Variants in ZFYVE26 observed in about 807,000 individuals in gnomAD.
ZFYVE26 encodes zinc finger FYVE domain-containing protein 26.
In ZFYVE26, 181 loss-of-function variants were observed where a neutral mutation model predicts 276.5. The observed-to-expected ratio is 0.65, with a 90% CI of 0.58 to 0.74. The LOEUF (loss-of-function observed/expected upper bound fraction) is 0.74. Ranked by LOEUF, ZFYVE26 falls within the 30% of genes least tolerant of loss-of-function variation. ZFYVE26 has a pLI of 0.00. For synonymous variants in ZFYVE26, 1,129 were observed against 1,203.1 expected (o/e 0.94, Z 1.27); for missense variants, 2,821 against 3,097.9 (o/e 0.91, Z 2.12).
At chr14:67,793,002 G>A (rs558255772) in intron 14 of ZFYVE26, among the ~76,000 whole-genome samples, 11 of 151,390 alleles carry the variant, frequency 7.3e-5, no homozygotes, top group African/African-American at 2.4e-4. Flanking sequence ...GCTCATGCCT[G>A]TAATCCCAGC....
intron 2 of ZFYVE26, 26 bp from the exon 3 acceptor site, chr14:67,814,090 G>T: frequency 6.4e-7 from 1 of 1,559,210 alleles, no homozygotes; most frequent in Non-Finnish European, 8.8e-7. Context: ...AGAAAGACTT[G>T]TAAAAAAGAG....
rs1293387180 is a variant in ZFYVE26, at chr14:67,798,194, T to G, written c.2068A>C (p.Arg690=). 1.2e-6 allele frequency: 2 copies of G among 1,614,070 alleles called. No homozygotes were observed. Among genetic ancestry groups the G allele is most frequent in the African/African-American group, 2.7e-5 (2 of 74,922 alleles). Residue 690 remains arginine, a synonymous_variant, in exon 11 of 42, where the codon AGG becomes CGG. Transcript: ENST00000347230. The part of the protein sequence containing the change: ...ADEFAIGAFL[R]LLQEQLDEIS... ...TCATCCAGTTGCTCTTGGAGAAGCCTGAGGAAGGCCCCTATTGCAAATTCA... is the reference window on the plus strand; with the variant it reads ...TCATCCAGTTGCTCTTGGAGAAGCCGGAGGAAGGCCCCTATTGCAAATTCA...
At chr14:67,737,422 GGAGA>G (rs1265382039) in intron 13 of ZFYVE26, among the ~76,000 whole-genome samples, 1 of 152,050 alleles carries the variant, frequency 6.6e-6, no homozygotes, top group Non-Finnish European at 1.5e-5. Context: ...TAAGGTGGCA[GGAGA>G]GAGAGAGAGT....
rs1367681919 is a variant in ZFYVE26 at position 67,775,844 on chromosome 14, G to GA, written c.5221+15_5221+16insT. On this transcript the variant is annotated intron_variant, in intron 26 of 41. Coordinates refer to ENST00000347230, the MANE Select transcript of ZFYVE26 (RefSeq NM_015346.4). ...TTCCTCCATGTAGAATCCCCTTCTA[G>GA]GATGCTAGCAGTTACCTGATCGTTT... 2 of 1,614,060 alleles carry GA rather than the reference G, an allele frequency of 1.2e-6. No homozygotes were observed. The highest frequency in any genetic ancestry group is 1.7e-6 in the Non-Finnish European group (2 of 1,180,006).
intron 35 of ZFYVE26, among the ~76,000 whole-genome samples, chr14:67,757,282 A>C (rs1193629342): frequency 6.6e-6 from 1 of 152,222 alleles, no homozygotes; most frequent in African/African-American, 2.4e-5. Context: ...CTCTGCTCAC[A>C]GTCTCCCAGG....
At chr14:67,815,687 TG>T in intron 2 of ZFYVE26, 82 bp downstream of exon 2, 4 of 1,347,662 alleles carry the variant, frequency 3.0e-6, no homozygotes, top group South Asian at 1.2e-5. Flanking sequence ...GGTAGTTGAG[TG>T]GGGGCACATT....
chr14:67,766,861 G>A (rs999346513), intron 31 of ZFYVE26, among the ~76,000 whole-genome samples: 2 of 151,888 alleles, frequency 1.3e-5, no homozygotes, highest in African/African-American at 4.8e-5. Flanking sequence ...CACCATGCCC[G>A]GCTAATTTTT....
intron 28 of ZFYVE26, 155 bp from the exon 29 acceptor site, chr14:67,769,885 C>A: frequency 2.0e-6 from 2 of 1,022,608 alleles, no homozygotes; most frequent in South Asian, 1.4e-5. Context: ...CCAGTCCTTG[C>A]CCTCAAAAAT....
chr14:67,815,288 A>G (rs1238930558), intron 2 of ZFYVE26, among the ~76,000 whole-genome samples: 1 of 152,212 alleles, frequency 6.6e-6, no homozygotes, highest in East Asian at 1.9e-4. Context: ...TTGATATTGT[A>G]CTACAGCTGT....
In ZFYVE26 at chr14:67,771,943, C is replaced by G. The variant is rs72723179; in HGVS notation, c.5484+104G>C. On this transcript the variant is annotated intron_variant, in intron 28 of 41. Coordinates refer to ENST00000347230, the MANE Select transcript of ZFYVE26 (RefSeq NM_015346.4). ...TTAGATTTGGCAGTTCTGAAAATAC[C>G]GATATTCTCCTGGGGACAGGCGGTG... 636 of 1,450,056 alleles carry G rather than the reference C, an allele frequency of 4.4e-4. 1 individual carries two copies. The African/African-American group carries it at 8.1e-3, about 18-fold the overall frequency. The allele number at this position is 1,450,056 out of a possible 1,614,324, so 89.8% of individuals were successfully genotyped here. A position where few individuals can be genotyped will look rare whatever the true frequency, so the allele number is the denominator to read the frequency against.
chr14:67,797,713 G>C lies in ZFYVE26; in HGVS notation c.2291C>G (p.Pro764Arg), dbSNP rs758291360. 2.5e-6 allele frequency: 4 copies of C among 1,614,184 alleles called. No individual in the cohort carries two copies. The highest frequency in any genetic ancestry group is 2.5e-6 in the Non-Finnish European group (3 of 1,180,038). Reference protein sequence around the residue: ...SRRYQPATRHPSLRRGRRTRR... With the variant: ...SRRYQPATRHRSLRRGRRTRR... ...TGTCCGACGACCCCGGCGGAGACTG[G>C]GGTGACGTGTGGCAGGCTGGTATCT... Residue 764 changes from proline to arginine, a missense_variant, in exon 12 of 42, where the codon CCC (proline) becomes CGC (arginine). Transcript: ENST00000347230.
chr14:67,780,934 A>G (rs368046099), intron 22 of ZFYVE26, among the ~76,000 whole-genome samples: 10 of 152,208 alleles, frequency 6.6e-5, no homozygotes, highest in East Asian at 3.8e-4. Context: ...AGAATCTTTT[A>G]GTTTTGAAAT....
chr14:67,751,007 C>T lies in ZFYVE26; in HGVS notation c.7416+45G>A, dbSNP rs742867. On this transcript the variant is annotated intron_variant, in intron 41 of 41. Transcript: ENST00000347230. Reference sequence around the variant, plus strand: ...TAAAGGTGACTAGGCAAGCCTGAGACACAATTCATTGGCATCACCAGCGTT... The same window carrying T: ...TAAAGGTGACTAGGCAAGCCTGAGATACAATTCATTGGCATCACCAGCGTT... 32,289 of 1,613,010 alleles carry T rather than the reference C, an allele frequency of 0.02. 1,032 individuals are homozygous for T. The highest frequency in any genetic ancestry group is 0.12 in the African/African-American group (8,762 of 74,948).
chr14:67,798,079 C>T lies in ZFYVE26; in HGVS notation c.2183G>A (p.Arg728Gln), dbSNP rs770927853. ...GGCCTCAGAGACAACCTTGGAAAGT[C>T]GATGCAGGCGGCTCTGCAGTCCATC... ...SRDGLQSRLHRLSKVVSEAQW... is the reference protein window; with the variant it reads ...SRDGLQSRLHQLSKVVSEAQW... The change falls in exon 11 of 42, where the codon CGA becomes CAA. Residue 728 changes from arginine to glutamine, a missense_variant. Arg to Gln is a conservative substitution (Grantham distance 43). Transcript: ENST00000347230. 10 of 1,614,040 alleles carry T rather than the reference C, an allele frequency of 6.2e-6. No individual in the cohort carries two copies. The East Asian group carries it at 8.9e-5, about 14-fold the overall frequency.
intron 22 of ZFYVE26, 23 bp from the exon 23 acceptor site, chr14:67,780,368 G>A (rs373054845): frequency 9.1e-5 from 146 of 1,598,550 alleles, no homozygotes; most frequent in East Asian, 1.4e-4. Flanking sequence ...AAGAAAATCC[G>A]TCAAACCACA....
intron 11 of ZFYVE26, 42 bp downstream of exon 11, chr14:67,797,972 C>T (rs2039991827): frequency 6.2e-7 from 1 of 1,613,058 alleles, no homozygotes; most frequent in Non-Finnish European, 8.5e-7. Context: ...GATCTTTCTC[C>T]CTCTCCACCT....
intron 10 of ZFYVE26, chr14:67,799,316 C>T (rs2140244363): frequency 1.9e-6 from 3 of 1,613,196 alleles, no homozygotes; most frequent in Middle Eastern, 1.7e-4. Context: ...GAATATTGTT[C>T]AGCAAGCTAT....
intron 24 of ZFYVE26, 126 bp from the exon 25 acceptor site, chr14:67,777,861 T>A: frequency 7.8e-7 from 1 of 1,289,016 alleles, no homozygotes; most frequent in Non-Finnish European, 1.1e-6. Flanking sequence ...TATACTCCTT[T>A]TTTTTTTTAA....
chr14:67,744,365 GTTGT>G (rs1370657290), downstream of ZFYVE26, among the ~76,000 whole-genome samples: 1 of 151,848 alleles, frequency 6.6e-6, no homozygotes, highest in African/African-American at 2.4e-5. Context: ...AATCATTACT[GTTGT>G]TTGTTTTTAG....
Sources: allele counts gnomAD v4.1 joint callset (sites outside exome capture counted in the v4.1 genomes callset), GRCh38; gene constraint gnomAD v4.1.1; transcripts MANE v1.5; gene names NCBI Gene and HGNC (gene_info 2026-07-23, HGNC 2026-07-21).